Variants in RBFOX1 observed in about 807,000 individuals in gnomAD.
RBFOX1 encodes RNA binding protein fox-1 homolog 1.
Under a neutral mutation model 57.7 loss-of-function variants are expected in RBFOX1, and 8 were observed. The ratio of observed to expected loss-of-function variants is 0.14; its 90% CI spans 0.08 to 0.25. The LOEUF (loss-of-function observed/expected upper bound fraction) is 0.25, where lower values mean the gene tolerates loss of function less well. Among genes scored for constraint, RBFOX1 ranks in the 10% least tolerant of loss-of-function variants. The pLI is 1.00. For missense variants in RBFOX1, 611 were observed against 548.5 expected (o/e 1.11, Z -1.14); for synonymous variants, 326 against 222.4 (o/e 1.47, Z -4.15).
At chr16:6,423,329 T>G (rs1477068061) in intron 2 of RBFOX1, among the ~76,000 whole-genome samples, 1 of 152,232 alleles carries the variant, frequency 6.6e-6, no homozygotes, top group African/African-American at 2.4e-5. Context: ...CCAGGCGTGG[T>G]GGCTCAGGCC....
chr16:7,534,057 T>C (rs1001333086), intron 5 of RBFOX1, among the ~76,000 whole-genome samples: 16 of 151,676 alleles, frequency 1.1e-4, no homozygotes, highest in Non-Finnish European at 2.4e-4. Context: ...CCAGCCCTGA[T>C]TCATGTCAAA....
intron 2 of RBFOX1, among the ~76,000 whole-genome samples, chr16:6,477,578 C>G (rs2095293207): frequency 6.6e-6 from 1 of 152,148 alleles, no homozygotes; most frequent in Admixed American, 6.5e-5. Context: ...AGAGCATAGG[C>G]AGAGTAGATT....
At chr16:6,642,179 G>C (rs904241643) in intron 2 of RBFOX1, among the ~76,000 whole-genome samples, 9 of 152,166 alleles carry the variant, frequency 5.9e-5, no homozygotes, top group African/African-American at 1.4e-4. Flanking sequence ...TCCCAGGCTC[G>C]TACTTTCTCT....
intron 4 of RBFOX1, among the ~76,000 whole-genome samples, chr16:7,300,544 G>A (rs1418869604): frequency 6.6e-6 from 1 of 152,142 alleles, no homozygotes; most frequent in Non-Finnish European, 1.5e-5. Flanking sequence ...TGATTACATT[G>A]AAGTTCAAGT....
chr16:6,962,256 C>A lies in RBFOX1; in HGVS notation c.-15-89801C>A, dbSNP rs117631406. Reference sequence around the variant, plus strand: ...TAGGTGTGTGTCAGACCTCCCTCTCCTTTCTCTTACAAAAAGACTAGTCAT... The same window carrying A: ...TAGGTGTGTGTCAGACCTCCCTCTCATTTCTCTTACAAAAAGACTAGTCAT... On this transcript the variant is annotated intron_variant, in intron 3 of 15. Coordinates refer to ENST00000550418, the MANE Select transcript of RBFOX1 (RefSeq NM_018723.4). Among the ~76,000 whole-genome samples, 59 of 152,234 alleles carry A rather than the reference C, an allele frequency of 3.9e-4. 1 individual carries two copies. The East Asian group carries it at 3.9e-3, about 10-fold the overall frequency.
intron 3 of RBFOX1, among the ~76,000 whole-genome samples, chr16:5,722,630 G>A (rs757340063): frequency 3.3e-5 from 5 of 152,124 alleles, no homozygotes; most frequent in Non-Finnish European, 7.4e-5. Flanking sequence ...TGGCATTAGG[G>A]TTGTGAGTCT....
At chr16:6,421,698 G>A (rs1018368902) in intron 2 of RBFOX1, among the ~76,000 whole-genome samples, 4 of 152,078 alleles carry the variant, frequency 2.6e-5, no homozygotes, top group African/African-American at 7.2e-5. Flanking sequence ...AAAAATGATC[G>A]GGATAAATTT....
At chr16:6,687,238 C>T (rs1415875391) in intron 3 of RBFOX1, among the ~76,000 whole-genome samples, 2 of 152,134 alleles carry the variant, frequency 1.3e-5, no homozygotes, top group South Asian at 2.1e-4. Context: ...TAAGCTATGA[C>T]TCTGCAGAGG....
At chr16:7,099,222 G>C (rs1048793022) in intron 4 of RBFOX1, among the ~76,000 whole-genome samples, 12 of 152,248 alleles carry the variant, frequency 7.9e-5, no homozygotes, top group South Asian at 2.1e-4. Flanking sequence ...GCATACGTGT[G>C]GATGTAGAAT....
chr16:7,444,412 A>G (rs921618558), intron 4 of RBFOX1, among the ~76,000 whole-genome samples: 4 of 152,170 alleles, frequency 2.6e-5, no homozygotes, highest in African/African-American at 9.7e-5. Context: ...CAATGGCAGT[A>G]TGGGGAAAAG....
intron 4 of RBFOX1, among the ~76,000 whole-genome samples, chr16:7,076,958 C>G (rs2058403147): frequency 6.6e-6 from 1 of 152,148 alleles, no homozygotes; most frequent in Non-Finnish European, 1.5e-5. Flanking sequence ...ATTTCTGAAA[C>G]AGCTTGGAAA....
intron 3 of RBFOX1, among the ~76,000 whole-genome samples, chr16:7,002,783 G>T (rs147710423): frequency 2.0e-5 from 3 of 152,216 alleles, no homozygotes; most frequent in South Asian, 4.2e-4. Context: ...CCTGAATGTC[G>T]GCTTTGTTTG....
chr16:7,680,256 C>T (rs978592340), intron 14 of RBFOX1, among the ~76,000 whole-genome samples: 1 of 152,136 alleles, frequency 6.6e-6, no homozygotes, highest in Non-Finnish European at 1.5e-5. Flanking sequence ...CATCTTGAAG[C>T]AGCCAAACTG....
At chr16:7,253,318 G>C (rs7189683) in intron 4 of RBFOX1, among the ~76,000 whole-genome samples, 3 of 152,180 alleles carry the variant, frequency 2.0e-5, no homozygotes, top group African/African-American at 7.2e-5. Context: ...GTTGATGTCA[G>C]TGGCAACAAG....
intron 2 of RBFOX1, among the ~76,000 whole-genome samples, chr16:6,350,444 G>GAAAAAAAAAAAAAAAA (rs569363563): frequency 2.7e-5 from 2 of 74,666 alleles, no homozygotes; most frequent in Non-Finnish European, 4.9e-5. Flanking sequence ...TCTGTCTCAA[G>GAAAAAAAAAAAAAAAA]AAAAAAAAAA....
chr16:5,702,280 G>T (rs560524288), intron 3 of RBFOX1, among the ~76,000 whole-genome samples: 3 of 152,140 alleles, frequency 2.0e-5, no homozygotes, highest in Non-Finnish European at 4.4e-5. Flanking sequence ...TTCACATGCC[G>T]GCAGGAGATA....
chr16:7,096,241 T>C (rs1463772937), intron 4 of RBFOX1, among the ~76,000 whole-genome samples: 1 of 152,118 alleles, frequency 6.6e-6, no homozygotes, highest in African/African-American at 2.4e-5. Flanking sequence ...AACTCATGGT[T>C]GCAGAGCTAA....
chr16:6,662,987 C>T (rs896782454), intron 3 of RBFOX1, among the ~76,000 whole-genome samples: 1 of 152,136 alleles, frequency 6.6e-6, no homozygotes, highest in African/African-American at 2.4e-5. Context: ...GTGTAGGAAA[C>T]ACTGTTTTCT....
intron 4 of RBFOX1, among the ~76,000 whole-genome samples, chr16:5,987,235 T>C (rs1295196265): frequency 2.0e-5 from 3 of 152,150 alleles, no homozygotes; most frequent in African/African-American, 7.2e-5. Flanking sequence ...TTTTTCTTTG[T>C]TTATTACTGA....
Sources: gnomAD v4.1 joint callset for allele counts (sites outside exome capture counted in the v4.1 genomes callset) on GRCh38, gnomAD v4.1.1 for gene constraint, MANE v1.5 for transcripts, NCBI Gene and HGNC (gene_info 2026-07-23, HGNC 2026-07-21) for gene names.